CDC25B: variants seen among roughly 807,000 people sequenced by gnomAD.
CDC25B encodes the protein cell division cycle 25B.
A neutral mutation model predicts 69.8 loss-of-function variants in CDC25B; 33 were observed. The ratio of observed to expected loss-of-function variants is 0.47; its 90% CI spans 0.36 to 0.63. The LOEUF (loss-of-function observed/expected upper bound fraction) is 0.63. CDC25B is among the 30% of genes least tolerant of loss of function. The pLI is 0.00. For synonymous variants in CDC25B, 341 were observed against 314.6 expected, an observed-to-expected ratio of 1.08 and a Z score of -0.89; for missense variants, 727 against 809.1, an observed-to-expected ratio of 0.90 and a Z score of 1.23.
At chr20:3,787,385 C>T (rs1267381642) in intron 1 of CDC25B, among the ~76,000 whole-genome samples, 1 of 152,168 alleles carries the variant, frequency 6.6e-6, no homozygotes, top group South Asian at 2.1e-4. Context: ...CCTATTGTTA[C>T]ACACTTAAGT....
chr20:3,796,678 C>T lies in CDC25B; in HGVS notation c.147C>T (p.Ser49=). The T allele has an allele frequency of 1.3e-6, 2 of 1,527,070 alleles. No homozygotes were observed. Among genetic ancestry groups the T allele is most frequent in the Non-Finnish European group, 1.7e-6 (2 of 1,147,170 alleles). The allele number at this position is 1,527,070 out of a possible 1,614,324, so 94.6% of individuals were successfully genotyped here. A position where few individuals can be genotyped will look rare whatever the true frequency, so the allele number is the denominator to read the frequency against. The change falls in exon 1 of 16, where the codon TCC becomes TCT. Residue 49 remains serine, a synonymous_variant. Coordinates refer to ENST00000245960, the MANE Select transcript of CDC25B (RefSeq NM_021873.4). ...LLGSPVRAAA[S]SPVTTLTQTM... is the part of the protein sequence containing the mutation. The stretch of plus-strand genomic sequence containing the variant: ...GGTCCCCGGTGCGGGCGGCCGCTTC[C>T]TCGCCGGTCACCACCCTCACCCAGA...
At chr20:3,798,529 C>T in intron 3 of CDC25B, 66 bp downstream of exon 3, 1 of 1,313,976 alleles carries the variant, frequency 7.6e-7, no homozygotes, top group Non-Finnish European at 1.1e-6. Context: ...CCTAGTTCTA[C>T]CATAAATTCA....
chr20:3,798,651 G>A (rs990438698), intron 3 of CDC25B, among the ~76,000 whole-genome samples, 188 bp downstream of exon 3: 1 of 152,174 alleles, frequency 6.6e-6, no homozygotes, highest in African/African-American at 2.4e-5. Flanking sequence ...TCTCAGAGAA[G>A]GATCTGCTCT....
upstream of CDC25B, chr20:3,796,169 TC>T (rs1568501967): frequency 8.7e-7 from 1 of 1,143,690 alleles, no homozygotes; most frequent in African/African-American, 1.6e-5. Flanking sequence ...AGCCTGGAAA[TC>T]CAGCCTCCGC....
Position 3,800,779 on chromosome 20 carries a change from A to T in CDC25B, c.496A>T (p.Ile166Phe). Residue 166 changes from isoleucine to phenylalanine, a missense_variant, in exon 6 of 16, where the codon ATC (isoleucine) becomes TTC (phenylalanine). Around this residue, in one of 2 missense-constraint regions of CDC25B, gnomAD observed 368 missense variants for 345.6 expected, o/e 1.06. Transcript: ENST00000245960. ...GGGCCACAGCCCCGTGCTTCGGAAC[A>T]TCACCAACTCCCAGGCGCCCGACGG... ...LLGHSPVLRNITNSQAPDGRR... is the reference protein window; with the variant it reads ...LLGHSPVLRNFTNSQAPDGRR... The T allele has an allele frequency of 6.2e-7, 1 of 1,611,960 alleles. No individual in the cohort carries two copies. Among genetic ancestry groups the T allele is most frequent in the Non-Finnish European group, 8.5e-7 (1 of 1,180,028 alleles).
chr20:3,798,387 A>C (rs766387720), intron 2 of CDC25B, 25 bp from the exon 3 acceptor site: 3 of 1,435,044 alleles, frequency 2.1e-6, no homozygotes, highest in South Asian at 3.0e-5. Flanking sequence ...CACTACTTTC[A>C]AACCAAGGTG....
Position 3,803,343 on chromosome 20 carries a change from C to A in CDC25B, c.1357-61C>A. On this transcript the variant is annotated intron_variant, in intron 13 of 15. Transcript: ENST00000245960. This position sits in a 1 kb window ranked among gnomAD's most constrained non-coding sequence, Gnocchi z 4.9. The stretch of plus-strand genomic sequence containing the variant: ...CCTACTAAGAGAAGGACAGCGACTG[C>A]ACGGGGAGGGCCCTGACTCCTGGAC... The A allele has an allele frequency of 6.2e-7, 1 of 1,610,728 alleles. No individual in the cohort carries two copies. The highest frequency in any genetic ancestry group is 8.5e-7 in the Non-Finnish European group (1 of 1,177,780).
At position 3,800,319 on chromosome 20, in the gene CDC25B, A is replaced by G; in HGVS notation, c.412A>G (p.Ile138Val). ...ACAGGCCATCCAGGCAGCCAGCCGGATCATTCGAAAGTAAGTGTTCCTGGG... is the reference window on the plus strand; with the variant it reads ...ACAGGCCATCCAGGCAGCCAGCCGGGTCATTCGAAAGTAAGTGTTCCTGGG... ...FEQAIQAASR[I>V]IRNEQFAIRR... Residue 138 changes from isoleucine to valine, a missense_variant, in exon 4 of 16, where the codon ATC (isoleucine) becomes GTC (valine). Transcript: ENST00000245960. 1 of 1,614,008 alleles carries G rather than the reference A, an allele frequency of 6.2e-7. No homozygotes were observed. The highest frequency in any genetic ancestry group is 2.2e-5 in the East Asian group (1 of 44,870).
chr20:3,803,345 C>G lies in CDC25B; in HGVS notation c.1357-59C>G, dbSNP rs11570014. The G allele has an allele frequency of 6.1e-3, 9,815 of 1,610,878 alleles. 550 individuals are homozygous for G. The African/African-American group carries it at 0.12, about 19-fold the overall frequency. Reference sequence around the variant, plus strand: ...TACTAAGAGAAGGACAGCGACTGCACGGGGAGGGCCCTGACTCCTGGACCC... The same window carrying G: ...TACTAAGAGAAGGACAGCGACTGCAGGGGGAGGGCCCTGACTCCTGGACCC... On this transcript the variant is annotated intron_variant, in intron 13 of 15. Coordinates refer to ENST00000245960, the MANE Select transcript of CDC25B (RefSeq NM_021873.4). This position sits in a 1 kb window ranked among gnomAD's most constrained non-coding sequence, Gnocchi z 4.9.
At chr20:3,795,231 C>T (rs1473532358), upstream of CDC25B, among the ~76,000 whole-genome samples, 8 of 151,974 alleles carry the variant, frequency 5.3e-5, no homozygotes, top group South Asian at 4.1e-4. Context: ...CGTGGTGGCG[C>T]GCTCCTGTAG....
In CDC25B at chr20:3,802,042, A is replaced by G. The variant is rs1314431387; in HGVS notation, c.1040A>G (p.Gln347Arg). 1.9e-6 allele frequency: 3 copies of G among 1,577,304 alleles called. No homozygotes were observed. The South Asian group carries it at 3.5e-5, about 18-fold the overall frequency. Residue 347 changes from glutamine (Q) to arginine (R), a missense_variant, in exon 10 of 16, where the codon CAG becomes CGG. By Grantham distance (43) the Gln-to-Arg change is conservative. This residue lies in a region of CDC25B where 359 missense variants were observed against 463.4 expected (regional missense o/e 0.77). Coordinates refer to ENST00000245960, the MANE Select transcript of CDC25B (RefSeq NM_021873.4). The part of the protein sequence containing the change: ...ERPQDRDTPV[Q>R]NKRRRSVTPP... The stretch of plus-strand genomic sequence containing the variant: ...CCCCAGGACAGGGACACGCCCGTGC[A>G]GAATAAGCGGAGGCGGAGCGTGACC...
At chr20:3,802,243 C>T (rs1380769726) in intron 10 of CDC25B, 38 bp from the exon 11 acceptor site, 1 of 1,580,408 alleles carries the variant, frequency 6.3e-7, no homozygotes, top group Non-Finnish European at 8.7e-7. Flanking sequence ...GGGGGCAGCC[C>T]CACCCTGACC....
upstream of CDC25B, among the ~76,000 whole-genome samples, chr20:3,792,672 C>T (rs1449460459): frequency 2.6e-5 from 4 of 152,130 alleles, no homozygotes; most frequent in East Asian, 3.9e-4. Context: ...TTCACCATGT[C>T]GGCCAGGCTG....
At chr20:3,787,058 AT>A in exon 1 of CDC25B, 2 of 609,622 alleles carry the variant, frequency 3.3e-6, no homozygotes, top group Non-Finnish European at 5.8e-6. Flanking sequence ...TAAGGTAAAA[AT>A]AACGCACTTT....
At position 3,800,832 on chromosome 20, in the gene CDC25B, A is replaced by G; in HGVS notation, c.549A>G (p.Gly183=). ...DGRRKSEAGS[G]AASSSGEDKE... ...GGAGGAAGAGCGAGGCGGGCAGTGG[A>G]GCTGCCAGCAGCTCTGGGGAAGACA... The change falls in exon 6 of 16, where the codon GGA becomes GGG. Residue 183 remains glycine, a synonymous_variant. Coordinates refer to ENST00000245960, the MANE Select transcript of CDC25B (RefSeq NM_021873.4). 1.2e-6 allele frequency: 2 copies of G among 1,613,542 alleles called. No homozygotes were observed. Among genetic ancestry groups the G allele is most frequent in the South Asian group, 1.1e-5 (1 of 91,078 alleles).
upstream of CDC25B, among the ~76,000 whole-genome samples, chr20:3,793,446 G>A (rs2088947776): frequency 6.6e-6 from 1 of 151,304 alleles, no homozygotes; most frequent in Admixed American, 6.6e-5. Flanking sequence ...GACAGGGCGA[G>A]ACTCCATCTC....
rs1034742637 is a variant in CDC25B, at chr20:3,801,913, G to C, written c.922-11G>C. The C allele has an allele frequency of 1.1e-5, 18 of 1,603,912 alleles. No individual in the cohort carries two copies. The highest frequency in any genetic ancestry group is 1.5e-5 in the Non-Finnish European group (18 of 1,173,558). ...TGGGCACCCTGATCCCTAACCTGCTGTCCCTGCCAGGACCTCGTCATGTAC... is the reference window on the plus strand; with the variant it reads ...TGGGCACCCTGATCCCTAACCTGCTCTCCCTGCCAGGACCTCGTCATGTAC... On this transcript the variant is annotated splice_polypyrimidine_tract_variant and intron_variant, in intron 9 of 15. Transcript: ENST00000245960.
rs370995721 is a variant in CDC25B, at chr20:3,800,144, G to A, written c.381-144G>A. 346 of 676,768 alleles carry A rather than the reference G, an allele frequency of 5.1e-4. No individual in the cohort carries two copies. In the African/African-American group the frequency reaches 5.4e-3, roughly 11 times the overall value. The allele number at this position is 676,768 out of a possible 1,614,324, so 41.9% of individuals were successfully genotyped here. Reference sequence around the variant, plus strand: ...ATACCTGGGCCCCCTGATGGTGGGCGTTCTTCCCACCCCACCCCTTCCACT... The same window carrying A: ...ATACCTGGGCCCCCTGATGGTGGGCATTCTTCCCACCCCACCCCTTCCACT... On this transcript the variant is annotated intron_variant, in intron 3 of 15. Transcript: ENST00000245960.
At chr20:3,791,664 G>A (rs2088916401), upstream of CDC25B, among the ~76,000 whole-genome samples, 3 of 152,136 alleles carry the variant, frequency 2.0e-5, no homozygotes, top group East Asian at 1.9e-4. Flanking sequence ...CCTGGGTGAC[G>A]GAGAGACTTG....
Sources: allele counts gnomAD v4.1 joint callset (sites outside exome capture counted in the v4.1 genomes callset), GRCh38; gene constraint gnomAD v4.1.1; regional missense constraint gnomAD v4.1.1; non-coding constraint Gnocchi (gnomAD v3.1); transcripts MANE v1.5; gene names NCBI Gene and HGNC (gene_info 2026-07-23, HGNC 2026-07-21).